FLI1: variants seen among roughly 807,000 people sequenced by gnomAD.
FLI1 encodes Friend leukemia integration 1 transcription factor.
FLI1 carries 13 observed loss-of-function variants against 53.1 expected under a neutral mutation model. The ratio of observed to expected loss-of-function variants is 0.24; its 90% confidence interval spans 0.16 to 0.39. The LOEUF is 0.39. FLI1 is among the 10% of genes least tolerant of loss of function. FLI1 has a pLI of 1.00. For synonymous variants in FLI1, 244 were observed against 236.7 expected (o/e 1.03, Z -0.28); for missense variants, 424 against 600.5 (o/e 0.71, Z 3.07).
Position 128,728,386 on chromosome 11 carries a change from T to C in FLI1, c.19-29729T>C, listed in dbSNP as rs143438912. On this transcript the variant is annotated intron_variant, in intron 1 of 8. Transcript: ENST00000527786. ...ACCTGTGTGTCCCTTTGCTGCGCAA[T>C]GAGGGTGCTGCGGCAGAGGCCGCAC... Among the ~76,000 whole-genome samples, 355 of 152,386 alleles carry C rather than the reference T, an allele frequency of 2.3e-3. 2 individuals are homozygous for C. Among genetic ancestry groups the C allele is most frequent in the African/African-American group, 8.1e-3 (338 of 41,600 alleles).
At position 128,810,805 on chromosome 11, in the gene FLI1, T is replaced by C. The variant is rs1056664553; in HGVS notation, c.1176T>C (p.His392=). The part of the protein sequence containing the change: ...PSDISYMPSY[H]AHQQKVNFVP... ...ACATCTCCTACATGCCTTCCTACCA[T>C]GCCCACCAGCAGAAGGTGAACTTTG... The change falls in exon 9 of 9, where the codon CAT becomes CAC. Residue 392 remains histidine, a synonymous_variant. Coordinates refer to ENST00000527786, the MANE Select transcript of FLI1 (RefSeq NM_002017.5). This position sits in a 1 kb window ranked among gnomAD's most constrained non-coding sequence, Gnocchi z 6.6. 5 of 1,614,036 alleles carry C rather than the reference T, an allele frequency of 3.1e-6. No individual in the cohort carries two copies. The highest frequency in any genetic ancestry group is 3.4e-6 in the Non-Finnish European group (4 of 1,179,896).
Position 128,807,174 on chromosome 11 carries a change from C to T in FLI1, c.722-6C>T. 1.3e-6 allele frequency: 2 copies of T among 1,585,674 alleles called. No individual in the cohort carries two copies. Among genetic ancestry groups the T allele is most frequent in the Non-Finnish European group, 1.7e-6 (2 of 1,165,474 alleles). On this transcript the variant is annotated splice_region_variant and splice_polypyrimidine_tract_variant and intron_variant, in intron 6 of 8. Transcript: ENST00000527786. ...ACTCACTGCATTTCTTTCCCTCTTGCCACAGGTCCTCCCCTTGGAGGGGCA... is the reference window on the plus strand; with the variant it reads ...ACTCACTGCATTTCTTTCCCTCTTGTCACAGGTCCTCCCCTTGGAGGGGCA...
intron 4 of FLI1, among the ~76,000 whole-genome samples, chr11:128,775,282 A>C (rs1002092720): frequency 6.6e-6 from 1 of 152,154 alleles, no homozygotes; most frequent in African/African-American, 2.4e-5. Flanking sequence ...GGAAAAGCTC[A>C]TTATAAAGTG....
intron 1 of FLI1, among the ~76,000 whole-genome samples, chr11:128,722,590 G>A (rs972987639): frequency 1.3e-5 from 2 of 152,180 alleles, no homozygotes; most frequent in Non-Finnish European, 2.9e-5. Flanking sequence ...AGAGATTTGC[G>A]TGACCTCCAC....
rs969709718 is a variant in FLI1, at chr11:128,758,246, C to A, written c.150C>A (p.Pro50=). The A allele has an allele frequency of 3.7e-6, 6 of 1,613,486 alleles. No individual in the cohort carries two copies. The African/African-American group carries it at 6.7e-5, about 18-fold the overall frequency. The part of the protein sequence containing the change: ...PDYGQPHKIN[P]LPPQQEWINQ... ...ACGGGCAGCCCCACAAGATCAACCC[C>A]CTCCCACCACAGCAGGAGTGGATCA... Residue 50 remains proline, a synonymous_variant, in exon 2 of 9, where the codon CCC becomes CCA. Transcript: ENST00000527786.
chr11:128,693,335 G>T (rs1162861725), upstream of FLI1: 1 of 152,352 alleles, frequency 6.6e-6, no homozygotes, highest in African/African-American at 2.4e-5. Context: ...CCCAGAATCC[G>T]CTTCGATGAG....
chr11:128,752,799 TACC>T (rs1448208508), intron 1 of FLI1, among the ~76,000 whole-genome samples: 2 of 152,228 alleles, frequency 1.3e-5, no homozygotes, highest in African/African-American at 4.8e-5. Context: ...CTGTGATTAT[TACC>T]ACTTTTATCT....
intron 1 of FLI1, among the ~76,000 whole-genome samples, chr11:128,714,848 A>AGGTAGG (rs201121810): frequency 6.6e-6 from 1 of 151,528 alleles, no homozygotes; most frequent in African/African-American, 2.4e-5. Context: ...AGCTTGGACT[A>AGGTAGG]CAGGCACGCA....
chr11:128,689,932 G>T (rs1027026260), upstream of FLI1, among the ~76,000 whole-genome samples: 4 of 151,948 alleles, frequency 2.6e-5, no homozygotes, highest in Non-Finnish European at 5.9e-5. Context: ...AAGAACCAGC[G>T]TGGGGAGCGG....
intron 1 of FLI1, among the ~76,000 whole-genome samples, chr11:128,687,240 A>G (rs1174396363): frequency 6.6e-6 from 1 of 151,296 alleles, no homozygotes; most frequent in Non-Finnish European, 1.5e-5. Context: ...GCAGATTGCT[A>G]TATTTGACAG....
Position 128,764,922 on chromosome 11 carries a change from C to T in FLI1, c.231-3196C>T, listed in dbSNP as rs554898408. On this transcript the variant is annotated intron_variant, in intron 2 of 8. Transcript: ENST00000527786. ...GCCAGCCCTTCTCCCTAAGGACACC[C>T]GCCTGCAGGTCCTAGTGCAGAAGCC... 2,454 of 1,275,768 alleles carry T rather than the reference C, an allele frequency of 1.9e-3. 3 individuals carry two copies. The highest frequency in any genetic ancestry group is 2.4e-3 in the Non-Finnish European group (2,204 of 911,212). 79.0% of individuals were successfully genotyped at this position (1,275,768 alleles called of 1,614,324 possible).
intron 5 of FLI1, among the ~76,000 whole-genome samples, chr11:128,783,718 G>C (rs503802): frequency 0.041 from 6,308 of 152,262 alleles, 184 homozygotes; most frequent in East Asian, 0.11. Flanking sequence ...CCTGCAGAAC[G>C]AAAGAGAAGA....
chr11:128,756,193 G>A (rs1007546106), intron 1 of FLI1, among the ~76,000 whole-genome samples: 1 of 152,200 alleles, frequency 6.6e-6, no homozygotes, highest in Admixed American at 6.5e-5. Flanking sequence ...AGGGCTGAGT[G>A]GCTTAAGCAA....
intron 5 of FLI1, among the ~76,000 whole-genome samples, chr11:128,784,220 TCTCCTCCTCCTCCTC>T (rs61050928): frequency 0.015 from 1,733 of 117,982 alleles, 48 homozygotes; most frequent in African/African-American, 0.042. Flanking sequence ...TTGCTAACCA[TCTCCTCCTCCTCCTC>T]CTCCTCCTCC....
intron 3 of FLI1, among the ~76,000 whole-genome samples, chr11:128,769,006 C>T (rs1941458525): frequency 6.6e-6 from 1 of 152,242 alleles, no homozygotes; most frequent in Admixed American, 6.5e-5. Flanking sequence ...TTCCACCTTT[C>T]CAAAATTACA....
chr11:128,776,182 C>G (rs898168382), intron 4 of FLI1, among the ~76,000 whole-genome samples: 3 of 152,218 alleles, frequency 2.0e-5, no homozygotes. Flanking sequence ...CCTACAGACC[C>G]TGTCTGATGG....
At chr11:128,690,863 G>A (rs376422016), upstream of FLI1, among the ~76,000 whole-genome samples, 15 of 152,320 alleles carry the variant, frequency 9.8e-5, no homozygotes, top group East Asian at 2.3e-3. Flanking sequence ...GCTGGAAAGT[G>A]AGCTGTCGCC....
At chr11:128,808,826 C>T (rs1329928496) in intron 7 of FLI1, among the ~76,000 whole-genome samples, 1 of 152,082 alleles carries the variant, frequency 6.6e-6, no homozygotes, top group African/African-American at 2.4e-5. Context: ...GTCAGCTGTC[C>T]GTTGTATCAT....
At chr11:128,696,380 G>A (rs189986474) in intron 1 of FLI1, among the ~76,000 whole-genome samples, 22 of 152,322 alleles carry the variant, frequency 1.4e-4, no homozygotes, top group Admixed American at 1.3e-3. Context: ...GTGACCTCTG[G>A]ATCTTGGGGT....
Sources: allele counts gnomAD v4.1 joint callset (sites outside exome capture counted in the v4.1 genomes callset), GRCh38; gene constraint gnomAD v4.1.1; non-coding constraint Gnocchi (gnomAD v3.1); transcripts MANE v1.5; gene names NCBI Gene and HGNC (gene_info 2026-07-23, HGNC 2026-07-21).